Variants in MAGI3 observed in about 807,000 individuals in gnomAD.
MAGI3 encodes the protein membrane associated guanylate kinase, WW and PDZ domain containing 3.
In MAGI3, 43 loss-of-function variants were observed where a neutral mutation model predicts 121.8. The observed-to-expected ratio is 0.35, with a 90% confidence interval of 0.28 to 0.46. The LOEUF (loss-of-function observed/expected upper bound fraction) is 0.46. Ranked by LOEUF, MAGI3 falls within the 20% of genes least tolerant of loss-of-function variation. The pLI is 1.00. For synonymous variants in MAGI3, 553 were observed against 639.3 expected, an observed-to-expected ratio of 0.86 and a Z score of 2.04; for missense variants, 1,547 against 1,797.3, an observed-to-expected ratio of 0.86 and a Z score of 2.52.
intron 1 of MAGI3, among the ~76,000 whole-genome samples, chr1:113,525,318 A>G (rs779179761): frequency 3.3e-5 from 5 of 152,038 alleles, no homozygotes; most frequent in Non-Finnish European, 5.9e-5. Context: ...CATTTGCTTT[A>G]GTTGTCCTGA....
chr1:113,637,727 G>A (rs1652135233), intron 9 of MAGI3, among the ~76,000 whole-genome samples: 1 of 152,092 alleles, frequency 6.6e-6, no homozygotes, highest in African/African-American at 2.4e-5. Flanking sequence ...CTCTTCTCGA[G>A]GAGTATCTTT....
At chr1:113,545,712 G>A (rs1381716215) in intron 1 of MAGI3, among the ~76,000 whole-genome samples, 2 of 152,098 alleles carry the variant, frequency 1.3e-5, no homozygotes, top group African/African-American at 4.8e-5. Context: ...TTGCAACCAA[G>A]CTGTATTTGT....
intron 7 of MAGI3, among the ~76,000 whole-genome samples, chr1:113,615,628 C>T (rs1008844957): frequency 1.3e-5 from 2 of 152,118 alleles, no homozygotes; most frequent in Non-Finnish European, 1.5e-5. Context: ...TTACTTGAGT[C>T]ACTGTGGTTA....
intron 1 of MAGI3, among the ~76,000 whole-genome samples, chr1:113,449,461 TG>T (rs1196421516): frequency 4.6e-5 from 7 of 151,988 alleles, no homozygotes; most frequent in Non-Finnish European, 8.8e-5. Flanking sequence ...TTAGAAGATT[TG>T]GGGCTGGATC....
At chr1:113,448,977 G>A (rs1024160357) in intron 1 of MAGI3, among the ~76,000 whole-genome samples, 2 of 152,034 alleles carry the variant, frequency 1.3e-5, no homozygotes, top group African/African-American at 4.8e-5. Flanking sequence ...AATTAGCCCA[G>A]CGTGGTGGTG....
At chr1:113,601,778 T>C (rs1311293740) in intron 6 of MAGI3, among the ~76,000 whole-genome samples, 1 of 143,738 alleles carries the variant, frequency 7.0e-6, no homozygotes, top group African/African-American at 2.6e-5. Flanking sequence ...CACAAGTATG[T>C]TTATTGTGGC....
chr1:113,673,975 G>A (rs2101025104), intron 19 of MAGI3, among the ~76,000 whole-genome samples: 1 of 152,242 alleles, frequency 6.6e-6, no homozygotes, highest in Admixed American at 6.5e-5. Flanking sequence ...TTCCATCATA[G>A]ATGTTCTCAA....
At chr1:113,599,753 G>A (rs1023343068) in intron 6 of MAGI3, among the ~76,000 whole-genome samples, 8 of 151,372 alleles carry the variant, frequency 5.3e-5, no homozygotes, top group African/African-American at 1.7e-4. Context: ...CCAAAGCTGG[G>A]CAGAGACACA....
intron 1 of MAGI3, among the ~76,000 whole-genome samples, chr1:113,396,781 T>C (rs1651138558): frequency 6.6e-6 from 1 of 152,192 alleles, no homozygotes; most frequent in South Asian, 2.1e-4. Flanking sequence ...AGAAATTGTG[T>C]GTCTTCAAGA....
chr1:113,568,611 T>G (rs1187988620), intron 2 of MAGI3, among the ~76,000 whole-genome samples: 1 of 152,020 alleles, frequency 6.6e-6, no homozygotes, highest in Non-Finnish European at 1.5e-5. Flanking sequence ...ACCAGAATGG[T>G]CAGTAGATAG....
chr1:113,532,707 A>G (rs893162065), intron 1 of MAGI3, among the ~76,000 whole-genome samples: 1 of 152,224 alleles, frequency 6.6e-6, no homozygotes, highest in Non-Finnish European at 1.5e-5. Flanking sequence ...AAATTTAACA[A>G]AGTATCTCGT....
intron 7 of MAGI3, among the ~76,000 whole-genome samples, chr1:113,618,135 C>T (rs1003737719): frequency 6.6e-6 from 1 of 150,716 alleles, no homozygotes. Context: ...AAAGCTCCAG[C>T]GTGGACAACA....
chr1:113,652,959 T>A (rs1386136613), intron 14 of MAGI3, among the ~76,000 whole-genome samples: 2 of 152,228 alleles, frequency 1.3e-5, no homozygotes, highest in African/African-American at 2.4e-5. Context: ...CAGCTTGTTA[T>A]GTGTCCCAGC....
At chr1:113,519,999 A>G (rs1197891260) in intron 1 of MAGI3, among the ~76,000 whole-genome samples, 1 of 152,260 alleles carries the variant, frequency 6.6e-6, no homozygotes, top group Non-Finnish European at 1.5e-5. Context: ...TGCATGTGCA[A>G]TGTAACTTGA....
intron 1 of MAGI3, among the ~76,000 whole-genome samples, chr1:113,414,383 T>C (rs906912406): frequency 1.3e-5 from 2 of 152,122 alleles, no homozygotes; most frequent in African/African-American, 2.4e-5. Flanking sequence ...CAGGATGATG[T>C]TGGCCTTATA....
At position 113,642,418 on chromosome 1, in the gene MAGI3, A is replaced by G. The variant is rs1213467863; in HGVS notation, c.1868A>G (p.Tyr623Cys). The G allele has an allele frequency of 3.7e-6, 6 of 1,614,210 alleles. No homozygotes were observed. Among genetic ancestry groups the G allele is most frequent in the Non-Finnish European group, 4.2e-6 (5 of 1,180,022 alleles). ...LQKGDIIKEI[Y>C]HQNVQNLTHL... ...AAAGGAGATATAATTAAGGAAATAT[A>G]CCATCAAAATGTGCAGAATTTAACA... The change falls in exon 10 of 21, where the codon TAC becomes TGC. Residue 623 changes from tyrosine to cysteine, a missense_variant. By Grantham distance (194) the Tyr-to-Cys change is radical. Coordinates refer to ENST00000307546, the MANE Select transcript of MAGI3 (RefSeq NM_001142782.2).
intron 1 of MAGI3, among the ~76,000 whole-genome samples, chr1:113,444,883 G>A (rs979093908): frequency 2.0e-5 from 3 of 151,984 alleles, no homozygotes; most frequent in African/African-American, 7.2e-5. Flanking sequence ...TGAACAAAGT[G>A]GAAATCTCAA....
chr1:113,456,954 A>G (rs1654790242), intron 1 of MAGI3, among the ~76,000 whole-genome samples: 1 of 152,036 alleles, frequency 6.6e-6, no homozygotes, highest in South Asian at 2.1e-4. Context: ...ATTTATTTGC[A>G]GGCCGATTGG....
chr1:113,631,529 A>G (rs1421456364), intron 9 of MAGI3, among the ~76,000 whole-genome samples: 2 of 152,226 alleles, frequency 1.3e-5, no homozygotes, highest in Non-Finnish European at 2.9e-5. Context: ...AATATTTTAT[A>G]TAACTTTGAG....
Sources: allele counts gnomAD v4.1 joint callset (sites outside exome capture counted in the v4.1 genomes callset), GRCh38; gene constraint gnomAD v4.1.1; transcripts MANE v1.5; gene names NCBI Gene and HGNC (gene_info 2026-07-23, HGNC 2026-07-21).